Variants in MAP3K13 observed in about 807,000 individuals in gnomAD.
MAP3K13 encodes the protein mitogen-activated protein kinase kinase kinase 13, also known as leucine zipper-bearing kinase.
A neutral mutation model predicts 104.0 loss-of-function variants in MAP3K13; 52 were observed. That is an observed-to-expected ratio of 0.50 (90% CI 0.40 to 0.63). MAP3K13 has a LOEUF of 0.63. MAP3K13 is among the 20% of genes least tolerant of loss of function. The pLI, the probability that MAP3K13 is intolerant of heterozygous loss-of-function variation, is 0.00. For missense variants in MAP3K13, 914 were observed against 1,218.5 expected, an observed-to-expected ratio of 0.75 and a Z score of 3.72; for synonymous variants, 394 against 442.2, an observed-to-expected ratio of 0.89 and a Z score of 1.37.
At chr3:185,391,742 G>A (rs1166478809) in intron 1 of MAP3K13, among the ~76,000 whole-genome samples, 4 of 151,708 alleles carry the variant, frequency 2.6e-5, no homozygotes, top group African/African-American at 7.3e-5. Context: ...GCTTTTTTCT[G>A]TTCCCAATCC....
intron 1 of MAP3K13, among the ~76,000 whole-genome samples, chr3:185,374,057 G>C (rs1724299523): frequency 1.3e-5 from 2 of 152,050 alleles, no homozygotes; most frequent in South Asian, 4.1e-4. Context: ...AAGGGTGGGG[G>C]AGACTACAAA....
In MAP3K13 at chr3:185,455,736, GAGAT is replaced by G. The variant is rs1231556565; in HGVS notation, c.1278+4343_1278+4346del. On this transcript the variant is annotated intron_variant, in intron 7 of 13. Coordinates refer to ENST00000265026, the MANE Select transcript of MAP3K13 (RefSeq NM_004721.5). Reference sequence around the variant, plus strand: ...TATGAGATATATATGATATATATATGAGATATATATATGATATATATATGAGATA... The same window carrying G: ...TATGAGATATATATGATATATATATGATATATATGATATATATATGAGATA... Among the ~76,000 whole-genome samples the G allele has an allele frequency of 1.1e-3, 27 of 23,612 alleles. 1 individual carries two copies. The highest frequency in any genetic ancestry group is 3.0e-3 in the African/African-American group (26 of 8,706). 15.5% of individuals were successfully genotyped at this position (23,612 alleles called of 152,430 possible).
rs1718672546 is a variant in MAP3K13 at position 185,485,458 on chromosome 3, T to G, written c.*3002T>G. On this transcript the variant is annotated 3_prime_UTR_variant, in exon 14 of 14. Coordinates refer to ENST00000265026, the MANE Select transcript of MAP3K13 (RefSeq NM_004721.5). ...TCCAGAAATAAACAATTCATAAATTTTAATTGCACAGCATTCTGAGGAGCA... is the reference window on the plus strand; with the variant it reads ...TCCAGAAATAAACAATTCATAAATTGTAATTGCACAGCATTCTGAGGAGCA... 6.6e-6 allele frequency: 1 copy of G among 152,160 alleles called. No homozygotes were observed. Among genetic ancestry groups the G allele is most frequent in the South Asian group, 2.1e-4 (1 of 4,818 alleles). The allele number at this position is 152,160 out of a possible 1,614,324, so 9.4% of individuals were successfully genotyped here.
In MAP3K13 at chr3:185,399,941, A is replaced by T. The variant is rs915963118; in HGVS notation, c.-85-28556A>T. ...AAAACCCTCTGTCACCATCACATCCAGCCAGTCACTCTATCCTGTTAATTC... is the reference window on the plus strand; with the variant it reads ...AAAACCCTCTGTCACCATCACATCCTGCCAGTCACTCTATCCTGTTAATTC... On this transcript the variant is annotated intron_variant, in intron 1 of 13. Coordinates refer to ENST00000265026, the MANE Select transcript of MAP3K13 (RefSeq NM_004721.5). Among the ~76,000 whole-genome samples, 64 of 151,976 alleles carry T rather than the reference A, an allele frequency of 4.2e-4. 1 individual carries two copies. The highest frequency in any genetic ancestry group is 1.2e-4 in the Non-Finnish European group (8 of 67,998).
intron 2 of MAP3K13, among the ~76,000 whole-genome samples, chr3:185,295,598 G>A (rs887602846): frequency 6.6e-6 from 1 of 152,086 alleles, no homozygotes; most frequent in Non-Finnish European, 1.5e-5. Flanking sequence ...CATACTACCA[G>A]TCTCACTTTA....
At chr3:185,471,306 C>CTTTT (rs748807847) in intron 10 of MAP3K13, among the ~76,000 whole-genome samples, 26 of 83,412 alleles carry the variant, frequency 3.1e-4, no homozygotes, top group Admixed American at 6.1e-4. Context: ...ATGACCTTTG[C>CTTTT]TTTTTTTTTT....
intron 1 of MAP3K13, among the ~76,000 whole-genome samples, chr3:185,393,452 T>A (rs1712187866): frequency 7.1e-6 from 1 of 141,108 alleles, no homozygotes; most frequent in Non-Finnish European, 1.5e-5. Context: ...ATTTACAGAG[T>A]TGTAAGTATC....
chr3:185,348,378 T>C (rs568091673), intron 2 of MAP3K13, among the ~76,000 whole-genome samples: 1 of 152,360 alleles, frequency 6.6e-6, no homozygotes, highest in East Asian at 1.9e-4. Context: ...TGCTTCCATT[T>C]TGAATGATAT....
At chr3:185,284,004 T>C (rs996569720) in intron 1 of MAP3K13, among the ~76,000 whole-genome samples, 1 of 151,174 alleles carries the variant, frequency 6.6e-6, no homozygotes, top group Non-Finnish European at 1.5e-5. Context: ...GTTCAAGTGA[T>C]TCTCCTCCCT....
chr3:185,388,020 G>C (rs757290626), intron 1 of MAP3K13, among the ~76,000 whole-genome samples: 3 of 151,466 alleles, frequency 2.0e-5, no homozygotes, highest in Non-Finnish European at 4.4e-5. Flanking sequence ...GGTTAAAAAA[G>C]TTTAAAAATC....
chr3:185,480,057 T>C (rs1718355262), intron 12 of MAP3K13, 175 bp from the exon 13 acceptor site: 2 of 644,674 alleles, frequency 3.1e-6, no homozygotes, highest in South Asian at 1.9e-5. Flanking sequence ...GGGATAAAAT[T>C]CAGTCCATTG....
At chr3:185,432,601 C>G (rs1288344293) in intron 2 of MAP3K13, among the ~76,000 whole-genome samples, 2 of 152,082 alleles carry the variant, frequency 1.3e-5, no homozygotes, top group Non-Finnish European at 2.9e-5. Context: ...CTTGTCCAGT[C>G]TTAGACTTAC....
At chr3:185,334,477 G>C (rs1324671844) in intron 2 of MAP3K13, among the ~76,000 whole-genome samples, 2 of 152,086 alleles carry the variant, frequency 1.3e-5, no homozygotes, top group African/African-American at 2.4e-5. Flanking sequence ...TTTGTCGGTG[G>C]AACAGAATAG....
In MAP3K13 at chr3:185,406,142, A is replaced by C. The variant is rs191988694; in HGVS notation, c.-85-22355A>C. Among the ~76,000 whole-genome samples the C allele has an allele frequency of 1.2e-3, 181 of 152,344 alleles. 1 individual carries two copies. The highest frequency in any genetic ancestry group is 3.9e-3 in the African/African-American group (162 of 41,584). ...ATCAGAAGAGTTTAAAAGGATTGGA[A>C]GGTCCCAGAGTAGCCAGGAAAAATT... On this transcript the variant is annotated intron_variant, in intron 1 of 13. Transcript: ENST00000265026.
intron 2 of MAP3K13, among the ~76,000 whole-genome samples, chr3:185,432,161 T>G (rs796336676): frequency 6.8e-6 from 1 of 147,626 alleles, no homozygotes; most frequent in Non-Finnish European, 1.5e-5. Context: ...CTTTCCACAA[T>G]CCAGAGATAA....
intron 3 of MAP3K13, among the ~76,000 whole-genome samples, chr3:185,439,992 G>A (rs1232159153): frequency 2.0e-5 from 3 of 152,142 alleles, no homozygotes; most frequent in Non-Finnish European, 4.4e-5. Context: ...AGGACCGTCT[G>A]GAAGATATAT....
At chr3:185,291,578 A>G (rs1158657007) in intron 2 of MAP3K13, 1 of 1,495,636 alleles carries the variant, frequency 6.7e-7, no homozygotes. Context: ...TTAGACTTGT[A>G]GTAGAATTTT....
At chr3:185,400,949 C>G (rs1712776328) in intron 1 of MAP3K13, among the ~76,000 whole-genome samples, 1 of 96,806 alleles carries the variant, frequency 1.0e-5, no homozygotes, top group African/African-American at 4.1e-5. Context: ...CTAATACTGT[C>G]TTTAACATTG....
intron 1 of MAP3K13, among the ~76,000 whole-genome samples, chr3:185,406,772 T>C (rs1713136309): frequency 6.6e-6 from 1 of 152,234 alleles, no homozygotes; most frequent in African/African-American, 2.4e-5. Flanking sequence ...TAATGACTTA[T>C]TTTCATATTT....
Sources: gnomAD v4.1 joint callset for allele counts (sites outside exome capture counted in the v4.1 genomes callset) on GRCh38, gnomAD v4.1.1 for gene constraint, MANE v1.5 for transcripts, NCBI Gene and HGNC (gene_info 2026-07-23, HGNC 2026-07-21) for gene names.